F8: variants seen among roughly 807,000 people sequenced by gnomAD.
F8 encodes antihemophilic factor.
F8 carries 12 observed loss-of-function variants against 140.6 expected under a neutral mutation model. The ratio of observed to expected loss-of-function variants is 0.09; its 90% CI spans 0.05 to 0.14. The LOEUF is 0.14. F8 is among the 10% of genes least tolerant of loss of function. F8 has a pLI of 1.00. For synonymous variants in F8, 585 were observed against 614.6 expected, an observed-to-expected ratio of 0.95 and a Z score of 0.71; for missense variants, 1,354 against 1,720.7, an observed-to-expected ratio of 0.79 and a Z score of 3.77.
At chrX:154,934,367 G>C (rs950807650) in intron 13 of F8, among the ~76,000 whole-genome samples, 13 of 111,497 alleles carry the variant, frequency 1.2e-4, no homozygotes, top group Admixed American at 9.6e-4. Flanking sequence ...TGGGATTACA[G>C]GCATGAACCA....
chrX:154,896,158 G>A lies in F8; in HGVS notation c.6348C>T (p.Tyr2116=). ...TATACATGATGATAAACTGAGAGAT[G>A]TAGAGGCTGGAGAACTTCTGACGGG... ...QGARQKFSSL[Y]ISQFIIMYSL... Residue 2116 remains tyrosine (Y), a synonymous_variant, in exon 22 of 26, where the codon TAC becomes TAT. Transcript: ENST00000360256. The A allele has an allele frequency of 8.3e-7, 1 of 1,210,303 alleles. No homozygotes were observed. The highest frequency in any genetic ancestry group is 1.1e-6 in the Non-Finnish European group (1 of 894,188).
intron 13 of F8, among the ~76,000 whole-genome samples, chrX:154,938,839 T>C (rs2073238253): frequency 9.2e-6 from 1 of 108,278 alleles, no homozygotes; most frequent in Admixed American, 9.9e-5. Flanking sequence ...TGATCATAGA[T>C]GGAAGCAAGA....
At position 154,902,536 on chromosome X, in the gene F8, T is replaced by G. The variant is rs191260013; in HGVS notation, c.5999-369A>C. Among the ~76,000 whole-genome samples the G allele has an allele frequency of 5.4e-5, 6 of 111,900 alleles. No individual in the cohort carries two copies. In the East Asian group the frequency reaches 1.7e-3, roughly 31 times the overall value. ...CAGATAAGTCAGGGTGAGTTCCCTC[T>G]GGATCCAGTCCACTAGAGCTGCCTA... On this transcript the variant is annotated intron_variant, in intron 18 of 25. Coordinates refer to ENST00000360256, the MANE Select transcript of F8 (RefSeq NM_000132.4).
rs190445973 is a variant in F8, at chrX:154,855,106, C to A, written c.6900+5326G>T. On this transcript the variant is annotated intron_variant, in intron 25 of 25. Coordinates refer to ENST00000360256, the MANE Select transcript of F8 (RefSeq NM_000132.4). ...CTGCACTCCGGCCTGGGTGACAGAG[C>A]GAGACTCCATCTCAAAAAATATGTA... Among the ~76,000 whole-genome samples the A allele has an allele frequency of 4.5e-5, 5 of 111,625 alleles. No homozygotes were observed. In the Admixed American group the frequency reaches 4.7e-4, roughly 11 times the overall value.
intron 22 of F8, among the ~76,000 whole-genome samples, chrX:154,890,330 A>G (rs2072934483): frequency 8.9e-6 from 1 of 112,245 alleles, no homozygotes; most frequent in African/African-American, 3.2e-5. Flanking sequence ...TGACTGTTCA[A>G]GGAATGAACC....
intron 1 of F8, among the ~76,000 whole-genome samples, chrX:155,009,534 C>T (rs939460442): frequency 1.8e-5 from 2 of 110,469 alleles, no homozygotes; most frequent in Admixed American, 9.7e-5. Flanking sequence ...GTCAGGAGTT[C>T]GACACCAGCC....
chrX:154,965,012 AGAAAACTG>A (rs1248310431), intron 9 of F8, among the ~76,000 whole-genome samples: 49 of 112,353 alleles, frequency 4.4e-4, no homozygotes, highest in Admixed American at 5.7e-4. Flanking sequence ...CTGACCAAAT[AGAAAACTG>A]GACAAAATTT....
intron 6 of F8, among the ~76,000 whole-genome samples, chrX:154,973,165 T>C (rs2073467907): frequency 8.9e-6 from 1 of 112,695 alleles, no homozygotes; most frequent in African/African-American, 3.2e-5. Flanking sequence ...TGGCTTTAAA[T>C]GTTTGGGTGT....
intron 19 of F8, among the ~76,000 whole-genome samples, 183 bp from the exon 20 acceptor site, chrX:154,901,625 G>T (rs944811504): frequency 8.9e-6 from 1 of 112,212 alleles, no homozygotes; most frequent in African/African-American, 3.2e-5. Flanking sequence ...GTGCTAGAAT[G>T]ATTCACATTT....
intron 17 of F8, 102 bp from the exon 18 acceptor site, chrX:154,904,190 G>T: frequency 9.1e-7 from 1 of 1,102,149 alleles, no homozygotes; most frequent in South Asian, 1.8e-5. Flanking sequence ...CACTCCCACA[G>T]ATATACTCTA....
intron 13 of F8, among the ~76,000 whole-genome samples, chrX:154,945,805 T>G (rs1256305448): frequency 8.9e-6 from 1 of 111,859 alleles, no homozygotes; most frequent in Non-Finnish European, 1.9e-5. Flanking sequence ...CAAATTCTCC[T>G]TGTTTATAGA....
intron 14 of F8, chrX:154,918,797 T>G (rs1015349708): frequency 9.8e-6 from 1 of 102,292 alleles, no homozygotes; most frequent in East Asian, 3.0e-4. Flanking sequence ...TTTTTTTTTT[T>G]TTTTTTTTTT....
chrX:154,902,239 G>A, intron 18 of F8, 72 bp from the exon 19 acceptor site: 1 of 812,382 alleles, frequency 1.2e-6, no homozygotes, highest in Non-Finnish European at 1.9e-6. Context: ...ATTGGTTTAT[G>A]CGAAATATCA....
At chrX:154,958,769 A>G (rs1357921588) in intron 10 of F8, among the ~76,000 whole-genome samples, 5 of 110,580 alleles carry the variant, frequency 4.5e-5, no homozygotes, top group African/African-American at 1.3e-4. Context: ...ACACGCCACA[A>G]TGCCCGGCTA....
At chrX:154,957,209 T>A in intron 10 of F8, 38 bp from the exon 11 acceptor site, 1 of 1,006,965 alleles carries the variant, frequency 9.9e-7, no homozygotes, top group Non-Finnish European at 1.4e-6. Flanking sequence ...TCAATTAGAG[T>A]ACAACAAGCC....
intron 22 of F8, among the ~76,000 whole-genome samples, chrX:154,892,151 A>T (rs1557275217): frequency 8.9e-6 from 1 of 112,040 alleles, no homozygotes; most frequent in Non-Finnish European, 1.9e-5. Flanking sequence ...TTAAGCATTT[A>T]ATTGTCACTG....
In F8 at chrX:154,969,388, G is replaced by A. The variant is rs868933231; in HGVS notation, c.952C>T (p.Leu318Phe). The A allele has an allele frequency of 8.3e-7, 1 of 1,211,899 alleles. No homozygotes were observed. Among genetic ancestry groups the A allele is most frequent in the Non-Finnish European group, 1.1e-6 (1 of 895,433 alleles). Residue 318 changes from leucine to phenylalanine, a missense_variant, in exon 7 of 26, where the codon CTC becomes TTC. By Grantham distance (22) the Leu-to-Phe change is conservative (BLOSUM62 0). This residue lies in a region of F8 where 252 missense variants were observed against 338.5 expected (regional missense o/e 0.74). Coordinates refer to ENST00000360256, the MANE Select transcript of F8 (RefSeq NM_000132.4). ...AGAAACTGTCCAAGGTCCATCAAGA[G>A]TGTTTGAGCAGTAAGGAAAGTTATT... ...SPITFLTAQT[L>F]LMDLGQFLLF...
At position 154,997,046 on chromosome X, in the gene F8, A is replaced by T. The variant is rs1557285152; in HGVS notation, c.315T>A (p.Ile105=). The stretch of plus-strand genomic sequence containing the variant: ...GATGGGAAGCCATGTTCTTAAGTGT[A>T]ATGACCACTGTATCATAAACCTCAG... ...IQAEVYDTVV[I]TLKNMASHPV... Residue 105 remains isoleucine, a synonymous_variant, in exon 3 of 26, where the codon ATT becomes ATA. Transcript: ENST00000360256. 8.3e-7 allele frequency: 1 copy of T among 1,210,668 alleles called. No individual in the cohort carries two copies. The highest frequency in any genetic ancestry group is 1.8e-5 in the South Asian group (1 of 56,967).
chrX:155,013,111 A>G (rs1603437424), intron 1 of F8, among the ~76,000 whole-genome samples: 4 of 92,489 alleles, frequency 4.3e-5, no homozygotes, highest in African/African-American at 1.8e-4. Flanking sequence ...GCACCACTGC[A>G]CTCCAGCCTG....
Sources: gnomAD v4.1 joint callset for allele counts (sites outside exome capture counted in the v4.1 genomes callset) on GRCh38, gnomAD v4.1.1 for gene constraint, gnomAD v4.1.1 regional missense constraint, MANE v1.5 for transcripts, NCBI Gene and HGNC (gene_info 2026-07-23, HGNC 2026-07-21) for gene names.